STAMBP: variants seen among roughly 807,000 people sequenced by gnomAD.
STAMBP encodes STAM-binding protein.
STAMBP carries 31 observed loss-of-function variants against 50.7 expected under a neutral mutation model. That is an observed-to-expected ratio of 0.61 (90% CI 0.46 to 0.83). The LOEUF (loss-of-function observed/expected upper bound fraction) is 0.83. STAMBP is among the 40% of genes least tolerant of loss of function. The pLI is 0.00. For synonymous variants in STAMBP, 211 were observed against 192.4 expected (o/e 1.10, Z -0.80); for missense variants, 472 against 518.9 (o/e 0.91, Z 0.88).
At chr2:73,857,383 T>A (rs1347917868) in intron 7 of STAMBP, among the ~76,000 whole-genome samples, 3 of 152,162 alleles carry the variant, frequency 2.0e-5, no homozygotes, top group Non-Finnish European at 2.9e-5. Context: ...GTTCCCCCTT[T>A]GTGTTTACCT....
chr2:73,859,121 T>G (rs1677964234), intron 7 of STAMBP, 133 bp from the exon 8 acceptor site: 1 of 652,342 alleles, frequency 1.5e-6, no homozygotes, highest in South Asian at 2.0e-5. Context: ...TTTCTCAAAG[T>G]ATGTTATCGT....
Position 73,830,868 on chromosome 2 carries a change from T to C in STAMBP, c.12T>C (p.His4=), listed in dbSNP as rs919629. 56,866 of 1,612,874 alleles carry C rather than the reference T, an allele frequency of 0.035. 3,548 individuals are homozygous for C. Among genetic ancestry groups the C allele is most frequent in the African/African-American group, 0.27 (20,025 of 74,960 alleles). Reference sequence around the variant, plus strand: ...AGAACTTGGTCCTGATGTCTGACCATGGAGATGTGAGCCTCCCGCCCGAAG... The same window carrying C: ...AGAACTTGGTCCTGATGTCTGACCACGGAGATGTGAGCCTCCCGCCCGAAG... MSD[H]GDVSLPPEDR... The change falls in exon 2 of 10, where the codon CAT becomes CAC. Residue 4 remains histidine (H), a synonymous_variant. Coordinates refer to ENST00000394070, the MANE Select transcript of STAMBP (RefSeq NM_213622.4).
downstream of STAMBP, chr2:73,867,295 A>T (rs939719195): frequency 1.3e-5 from 2 of 152,258 alleles, no homozygotes; most frequent in African/African-American, 4.8e-5. Flanking sequence ...CATGCCTGTC[A>T]TCCCAGCAGG....
intron 2 of STAMBP, among the ~76,000 whole-genome samples, chr2:73,840,779 A>G (rs893217021): frequency 2.5e-4 from 38 of 152,036 alleles, no homozygotes; most frequent in African/African-American, 8.9e-4. Flanking sequence ...AAAAAAAATA[A>G]ATAGTACAAA....
chr2:73,869,925 A>G (rs1472920649), downstream of STAMBP, among the ~76,000 whole-genome samples: 1 of 152,182 alleles, frequency 6.6e-6, no homozygotes, highest in African/African-American at 2.4e-5. Context: ...CCACACTGTA[A>G]TGCTGCCTTC....
Position 73,859,291 on chromosome 2 carries a change from A to G in STAMBP, c.1043A>G (p.Asp348Gly), listed in dbSNP as rs1236403490. 2 of 1,614,004 alleles carry G rather than the reference A, an allele frequency of 1.2e-6. No individual in the cohort carries two copies. Among genetic ancestry groups the G allele is most frequent in the South Asian group, 1.1e-5 (1 of 91,078 alleles). The change falls in exon 8 of 10, where the codon GAC (aspartate) becomes GGC (glycine). Residue 348 changes from aspartate (D) to glycine (G), a missense_variant. Asp to Gly is a moderately conservative substitution (Grantham distance 94). Coordinates refer to ENST00000394070, the MANE Select transcript of STAMBP (RefSeq NM_213622.4). ...PTQTAFLSSV[D>G]LHTHCSYQMM... Reference sequence around the variant, plus strand: ...CAGACCGCGTTTCTCTCCAGTGTCGACCTACACACTCACTGCTCTTACCAG... The same window carrying G: ...CAGACCGCGTTTCTCTCCAGTGTCGGCCTACACACTCACTGCTCTTACCAG...
At chr2:73,843,978 T>C (rs943616401) in intron 2 of STAMBP, among the ~76,000 whole-genome samples, 3 of 152,206 alleles carry the variant, frequency 2.0e-5, no homozygotes, top group African/African-American at 7.2e-5. Flanking sequence ...GGAAGAAGTA[T>C]GGTGTAGTGG....
At chr2:73,846,662 G>C (rs1676104472) in intron 4 of STAMBP, among the ~76,000 whole-genome samples, 1 of 151,374 alleles carries the variant, frequency 6.6e-6, no homozygotes, top group South Asian at 2.1e-4. Flanking sequence ...CCCCAAGATA[G>C]CAGGTATAAG....
chr2:73,837,290 TAAAG>T (rs1353653526), intron 2 of STAMBP, among the ~76,000 whole-genome samples: 4 of 152,122 alleles, frequency 2.6e-5, no homozygotes, highest in Non-Finnish European at 5.9e-5. Context: ...AATGCATTGA[TAAAG>T]AACACATTAG....
chr2:73,865,518 A>C lies in STAMBP; in HGVS notation c.*3259A>C, dbSNP rs1202788069. ...TCCTGTTTAGATCAGGACTATTGGA[A>C]TATTATCCTCTCCAGGGGAAGTGCC... On this transcript the variant is annotated 3_prime_UTR_variant, in exon 10 of 10. Coordinates refer to ENST00000394070, the MANE Select transcript of STAMBP (RefSeq NM_213622.4). 1 of 152,174 alleles carries C rather than the reference A, an allele frequency of 6.6e-6. No individual in the cohort carries two copies. 9.4% of individuals were successfully genotyped at this position (152,174 alleles called of 1,614,324 possible). A position where few individuals can be genotyped will look rare whatever the true frequency, so the allele number is the denominator to read the frequency against.
downstream of STAMBP, among the ~76,000 whole-genome samples, chr2:73,871,269 C>T (rs956623663): frequency 6.6e-6 from 1 of 151,912 alleles, no homozygotes; most frequent in Non-Finnish European, 1.5e-5. Flanking sequence ...TGCGGCCGGG[C>T]GTGGTGGCTC....
At chr2:73,833,795 T>C (rs1247952190) in intron 2 of STAMBP, among the ~76,000 whole-genome samples, 17 of 152,132 alleles carry the variant, frequency 1.1e-4, no homozygotes, top group Admixed American at 1.1e-3. Flanking sequence ...GTGAGTAAAA[T>C]GGCCCCTGTC....
chr2:73,858,159 ATTTTTTTTT>A (rs35630978), intron 7 of STAMBP, among the ~76,000 whole-genome samples: 3 of 68,346 alleles, frequency 4.4e-5, no homozygotes, highest in Admixed American at 1.8e-4. Context: ...ATTGTTTTGT[ATTTTTTTTT>A]TTTTTTTTTT....
At chr2:73,838,590 A>T (rs144085206) in intron 2 of STAMBP, among the ~76,000 whole-genome samples, 23 of 152,298 alleles carry the variant, frequency 1.5e-4, no homozygotes, top group African/African-American at 5.5e-4. Flanking sequence ...AGAAGTCAAG[A>T]GGGGATAGGA....
chr2:73,833,703 G>A (rs2104184163), intron 2 of STAMBP, among the ~76,000 whole-genome samples: 1 of 152,286 alleles, frequency 6.6e-6, no homozygotes, highest in East Asian at 1.9e-4. Flanking sequence ...AGGGCTTTCA[G>A]GGCAAAGACC....
chr2:73,861,865 C>T (rs116769657), intron 9 of STAMBP, among the ~76,000 whole-genome samples: 2,007 of 152,078 alleles, frequency 0.013, 14 homozygotes, highest in Non-Finnish European at 0.019. Context: ...AGGCCGGGCA[C>T]GGTGGCTCAC....
At chr2:73,872,560 G>C (rs1679242173) in intron 10 of STAMBP, among the ~76,000 whole-genome samples, 1 of 152,214 alleles carries the variant, frequency 6.6e-6, no homozygotes, top group African/African-American at 2.4e-5. Context: ...AGATAAAGGA[G>C]CCCTACTCTC....
At chr2:73,868,652 G>C (rs1043894546), downstream of STAMBP, among the ~76,000 whole-genome samples, 2 of 152,146 alleles carry the variant, frequency 1.3e-5, no homozygotes, top group African/African-American at 4.8e-5. Context: ...GGGAGGCTGA[G>C]GTGGGCGGAT....
At chr2:73,838,295 C>T (rs1393934961) in intron 2 of STAMBP, among the ~76,000 whole-genome samples, 1 of 152,180 alleles carries the variant, frequency 6.6e-6, no homozygotes, top group African/African-American at 2.4e-5. Flanking sequence ...ATGGATGTGA[C>T]TGGTTCCAAT....
Sources: gnomAD v4.1 joint callset for allele counts (sites outside exome capture counted in the v4.1 genomes callset) on GRCh38, gnomAD v4.1.1 for gene constraint, MANE v1.5 for transcripts, NCBI Gene and HGNC (gene_info 2026-07-23, HGNC 2026-07-21) for gene names.